NTM: variants seen among roughly 807,000 people sequenced by gnomAD.
NTM encodes the protein neurotrimin, also known as IgLON family member 2.
In NTM, 13 loss-of-function variants were observed where a neutral mutation model predicts 42.1. The observed-to-expected ratio is 0.31, with a 90% CI of 0.20 to 0.49. NTM has a LOEUF of 0.49. Ranked by LOEUF, NTM falls within the 20% of genes least tolerant of loss-of-function variation. The probability of loss-of-function intolerance (pLI) is 0.99; values close to 1 mark genes in which losing one functional copy is unlikely to be tolerated. For synonymous variants in NTM, 187 were observed against 179.2 expected, an observed-to-expected ratio of 1.04 and a Z score of -0.35; for missense variants, 373 against 452.8, an observed-to-expected ratio of 0.82 and a Z score of 1.60.
At chr11:132,314,410 GTGGTTGAGTGGATCAAATAATGGTTAT>G in intron 6 of NTM, 115 bp from the exon 7 acceptor site, 1 of 860,216 alleles carries the variant, frequency 1.2e-6, no homozygotes, top group South Asian at 2.0e-5. Context: ...ACATTATGGT[GTGGTTGAGTGGATCAAATAATGGTTAT>G]AATGATGTCA....
rs923285338 is a variant in NTM, at chr11:132,318,334, C to T, written c.934+3631C>T. 2.6e-5 allele frequency among the ~76,000 whole-genome samples: 4 copies of T among 152,166 alleles called. No individual in the cohort carries two copies. The South Asian group carries it at 8.3e-4, about 32-fold the overall frequency. On this transcript the variant is annotated intron_variant, in intron 7 of 8. Coordinates refer to ENST00000683400, the MANE Select transcript of NTM (RefSeq NM_001352005.2). ...TATCCACCGTACAGAGTTGTTCCAA[C>T]AGTCAATGGAGAATGCATGTTACAA...
In NTM at chr11:131,577,383, T is replaced by C. The variant is rs528567808; in HGVS notation, c.82+206495T>C. On this transcript the variant is annotated intron_variant, in intron 1 of 8. Transcript: ENST00000683400. ...TCCTGAGGCTATCTATCAACTCTTA[T>C]AGCACTTCTGTGAGGCACAGAGCAA... is the stretch of plus-strand genomic sequence containing the variant. 2.6e-5 allele frequency among the ~76,000 whole-genome samples: 4 copies of C among 152,308 alleles called. No homozygotes were observed. The East Asian group carries it at 5.8e-4, about 22-fold the overall frequency.
intron 1 of NTM, among the ~76,000 whole-genome samples, chr11:131,376,189 C>T (rs114226353): frequency 1.3e-5 from 2 of 152,156 alleles, no homozygotes; most frequent in African/African-American, 4.8e-5. Context: ...GGACCATGGG[C>T]GAGTTCAGCC....
chr11:131,734,729 A>T (rs562609832), intron 1 of NTM, among the ~76,000 whole-genome samples: 1 of 152,220 alleles, frequency 6.6e-6, no homozygotes, highest in Non-Finnish European at 1.5e-5. Flanking sequence ...CACTATGAAC[A>T]TCATTATTAA....
intron 4 of NTM, among the ~76,000 whole-genome samples, chr11:132,280,341 A>G (rs1372405266): frequency 2.6e-5 from 4 of 151,918 alleles, no homozygotes; most frequent in Non-Finnish European, 5.9e-5. Context: ...AGTACAGGAC[A>G]CTCCAGCAGA....
chr11:131,679,481 G>A (rs576534694), intron 1 of NTM, among the ~76,000 whole-genome samples: 9 of 152,094 alleles, frequency 5.9e-5, no homozygotes, highest in South Asian at 2.1e-4. Context: ...ATAGGCAGCC[G>A]TGATTGATTG....
At chr11:131,432,734 C>T (rs532025399) in intron 1 of NTM, among the ~76,000 whole-genome samples, 2 of 151,748 alleles carry the variant, frequency 1.3e-5, no homozygotes, top group South Asian at 4.2e-4. Flanking sequence ...CAGCTCTCAC[C>T]TGTTTATTTG....
chr11:132,221,525 G>A (rs975700071), intron 4 of NTM, among the ~76,000 whole-genome samples: 1 of 152,124 alleles, frequency 6.6e-6, no homozygotes, highest in African/African-American at 2.4e-5. Context: ...GCTGTGCTGG[G>A]TAGTGTAGTT....
At chr11:132,233,605 G>T (rs1333619682) in intron 4 of NTM, among the ~76,000 whole-genome samples, 1 of 152,112 alleles carries the variant, frequency 6.6e-6, no homozygotes, top group East Asian at 1.9e-4. Context: ...TCTAAATAAA[G>T]TTTTATCAGA....
At chr11:131,679,642 G>A (rs946380911) in intron 1 of NTM, among the ~76,000 whole-genome samples, 1 of 151,072 alleles carries the variant, frequency 6.6e-6, no homozygotes, top group African/African-American at 2.4e-5. Flanking sequence ...TCCCTCTGAT[G>A]GCTTCTAGAT....
chr11:131,515,549 A>G (rs2048795459), intron 1 of NTM, among the ~76,000 whole-genome samples: 3 of 152,220 alleles, frequency 2.0e-5, no homozygotes, highest in African/African-American at 7.2e-5. Context: ...GAAAACAAGT[A>G]ACCAATGAGG....
chr11:131,621,911 T>G (rs2062607437), intron 1 of NTM, among the ~76,000 whole-genome samples: 1 of 151,622 alleles, frequency 6.6e-6, no homozygotes, highest in Non-Finnish European at 1.5e-5. Context: ...GGGCCAATAT[T>G]TGGGGGCCTA....
chr11:132,176,502 T>G (rs946530514), intron 3 of NTM, among the ~76,000 whole-genome samples: 1 of 152,304 alleles, frequency 6.6e-6, no homozygotes, highest in African/African-American at 2.4e-5. Flanking sequence ...TTGAAAATTC[T>G]AAATTAGGTT....
intron 1 of NTM, among the ~76,000 whole-genome samples, chr11:131,416,809 G>T (rs777415347): frequency 1.3e-5 from 2 of 152,198 alleles, no homozygotes; most frequent in Non-Finnish European, 2.9e-5. Context: ...GAATTAAAGA[G>T]TGGGTTGGAA....
At chr11:131,606,520 G>C (rs2060971348) in intron 1 of NTM, among the ~76,000 whole-genome samples, 1 of 152,262 alleles carries the variant, frequency 6.6e-6, no homozygotes, top group Non-Finnish European at 1.5e-5. Context: ...CTGATGGCCA[G>C]TGACTGGACA....
At chr11:131,979,614 G>T (rs1176123454) in intron 2 of NTM, among the ~76,000 whole-genome samples, 3 of 152,142 alleles carry the variant, frequency 2.0e-5, no homozygotes, top group African/African-American at 7.2e-5. Flanking sequence ...TTAATTCATT[G>T]TCTGGTAATC....
chr11:131,647,921 G>A (rs1029462200), intron 1 of NTM, among the ~76,000 whole-genome samples: 1 of 152,174 alleles, frequency 6.6e-6, no homozygotes, highest in South Asian at 2.1e-4. Context: ...CTCGTGTCAT[G>A]GGGGTTTGTT....
intron 1 of NTM, among the ~76,000 whole-genome samples, chr11:131,377,621 T>C (rs1444916336): frequency 6.6e-6 from 1 of 152,230 alleles, no homozygotes; most frequent in Non-Finnish European, 1.5e-5. Context: ...TACAAATGCA[T>C]TATTAACAAA....
chr11:131,506,881 G>C (rs536288205), intron 1 of NTM, among the ~76,000 whole-genome samples: 3 of 152,142 alleles, frequency 2.0e-5, no homozygotes, highest in South Asian at 2.1e-4. Flanking sequence ...AAAAACTCAC[G>C]GTAGATATTA....
Sources: gnomAD v4.1 joint callset for allele counts (sites outside exome capture counted in the v4.1 genomes callset) on GRCh38, gnomAD v4.1.1 for gene constraint, MANE v1.5 for transcripts, NCBI Gene and HGNC (gene_info 2026-07-23, HGNC 2026-07-21) for gene names.